THSD7A: variants seen among roughly 807,000 people sequenced by gnomAD.
THSD7A encodes thrombospondin type-1 domain-containing protein 7A.
A neutral mutation model predicts 231.3 loss-of-function variants in THSD7A; 96 were observed. The ratio of observed to expected loss-of-function variants is 0.41; its 90% CI spans 0.35 to 0.49. The LOEUF is 0.49. THSD7A is among the 20% of genes least tolerant of loss of function. THSD7A has a pLI of 0.05. For synonymous variants in THSD7A, 940 were observed against 743.3 expected (o/e 1.26, Z -4.30); for missense variants, 2,290 against 2,070.2 (o/e 1.11, Z -2.06).
intron 11 of THSD7A, among the ~76,000 whole-genome samples, chr7:11,451,990 T>C (rs186738260): frequency 7.9e-5 from 12 of 152,150 alleles, no homozygotes; most frequent in Non-Finnish European, 1.6e-4. Context: ...TAGAAGTTCA[T>C]TACAGGAAAC....
intron 1 of THSD7A, among the ~76,000 whole-genome samples, chr7:11,674,266 C>A (rs1452474085): frequency 5.9e-5 from 9 of 152,086 alleles, no homozygotes; most frequent in Non-Finnish European, 1.3e-4. Context: ...CCCTGCCTCC[C>A]CTACCCAGTG....
chr7:11,781,882 G>T (rs746326831), intron 1 of THSD7A, among the ~76,000 whole-genome samples: 3 of 151,968 alleles, frequency 2.0e-5, no homozygotes, highest in Non-Finnish European at 4.4e-5. Flanking sequence ...GTAGACCAGG[G>T]TTTCCTGACC....
intron 1 of THSD7A, among the ~76,000 whole-genome samples, chr7:11,812,664 T>C (rs1784567080): frequency 6.6e-6 from 1 of 152,224 alleles, no homozygotes; most frequent in East Asian, 1.9e-4. Context: ...CTATTATTTA[T>C]ACCATATAAT....
chr7:11,765,211 G>T (rs982982396), intron 1 of THSD7A, among the ~76,000 whole-genome samples: 1 of 152,138 alleles, frequency 6.6e-6, no homozygotes, highest in African/African-American at 2.4e-5. Context: ...TCACTATAAA[G>T]GAGAAAAATA....
chr7:11,423,298 A>G (rs951248315), intron 16 of THSD7A, among the ~76,000 whole-genome samples: 2 of 151,914 alleles, frequency 1.3e-5, no homozygotes, highest in Non-Finnish European at 2.9e-5. Context: ...TAAAACACCA[A>G]TCTTAAATGC....
At chr7:11,429,641 T>C (rs766527422) in intron 13 of THSD7A, among the ~76,000 whole-genome samples, 1 of 152,184 alleles carries the variant, frequency 6.6e-6, no homozygotes, top group Non-Finnish European at 1.5e-5. Flanking sequence ...TGAAGAAAAA[T>C]GCAGGATGTT....
intron 1 of THSD7A, among the ~76,000 whole-genome samples, chr7:11,762,438 A>G (rs1288825000): frequency 6.6e-6 from 1 of 152,170 alleles, no homozygotes; most frequent in Non-Finnish European, 1.5e-5. Context: ...TCTGACTGGT[A>G]TGAGATGGTA....
At chr7:11,677,812 CAGG>C (rs745388933) in intron 1 of THSD7A, among the ~76,000 whole-genome samples, 20 of 151,922 alleles carry the variant, frequency 1.3e-4, no homozygotes, top group Non-Finnish European at 2.1e-4. Flanking sequence ...CAAGGATATC[CAGG>C]AGTTGAACTC....
At chr7:11,476,070 A>C (rs1317474043) in intron 7 of THSD7A, among the ~76,000 whole-genome samples, 1 of 151,850 alleles carries the variant, frequency 6.6e-6, no homozygotes, top group Non-Finnish European at 1.5e-5. Context: ...TCTACAATAC[A>C]GGTTCAAAAA....
At chr7:11,491,491 G>C (rs1786892223) in intron 6 of THSD7A, among the ~76,000 whole-genome samples, 1 of 151,992 alleles carries the variant, frequency 6.6e-6, no homozygotes, top group African/African-American at 2.4e-5. Flanking sequence ...GCTACATTTG[G>C]TCATCAAATC....
intron 4 of THSD7A, among the ~76,000 whole-genome samples, chr7:11,576,436 A>T (rs1790908289): frequency 6.6e-6 from 1 of 151,900 alleles, no homozygotes; most frequent in African/African-American, 2.4e-5. Flanking sequence ...GAAGACAATC[A>T]TTGCCCTATC....
intron 7 of THSD7A, among the ~76,000 whole-genome samples, chr7:11,481,286 G>C (rs1210451694): frequency 1.3e-5 from 2 of 152,116 alleles, no homozygotes; most frequent in African/African-American, 2.4e-5. Flanking sequence ...CTGGACCTCG[G>C]AGCCTATGTT....
At chr7:11,476,511 T>C (rs1376594220) in intron 7 of THSD7A, among the ~76,000 whole-genome samples, 2 of 152,136 alleles carry the variant, frequency 1.3e-5, no homozygotes, top group East Asian at 1.9e-4. Flanking sequence ...GATTATATAA[T>C]GTTACTCAAG....
chr7:11,819,212 T>C (rs1326909011), intron 1 of THSD7A, among the ~76,000 whole-genome samples: 1 of 152,170 alleles, frequency 6.6e-6, no homozygotes, highest in Non-Finnish European at 1.5e-5. Flanking sequence ...AAATAGGAAC[T>C]CTCATTCACT....
At chr7:11,602,618 C>T (rs1780590228) in intron 2 of THSD7A, among the ~76,000 whole-genome samples, 3 of 151,676 alleles carry the variant, frequency 2.0e-5, no homozygotes, top group Admixed American at 2.0e-4. Context: ...ATGGATTTTT[C>T]CTTGGTCTCA....
chr7:11,798,267 C>G (rs980686661), intron 1 of THSD7A, among the ~76,000 whole-genome samples: 2 of 151,948 alleles, frequency 1.3e-5, no homozygotes, highest in African/African-American at 4.8e-5. Flanking sequence ...GTCAAGAGTT[C>G]AAGACCAGCC....
chr7:11,658,673 A>T (rs4398797), intron 1 of THSD7A, among the ~76,000 whole-genome samples: 151,665 of 151,802 alleles, frequency 1, 75,765 homozygotes, highest in Middle Eastern at 1. Context: ...TGAATATTTA[A>T]CTGTAGATAA....
At position 11,370,883 on chromosome 7, in the gene THSD7A, A is replaced by T. The variant is rs942422125; in HGVS notation, c.*4911T>A. 10 of 152,196 alleles carry T rather than the reference A, an allele frequency of 6.6e-5. No individual in the cohort carries two copies. The highest frequency in any genetic ancestry group is 2.4e-4 in the African/African-American group (10 of 41,464). 9.4% of individuals were successfully genotyped at this position (152,196 alleles called of 1,614,324 possible). On this transcript the variant is annotated 3_prime_UTR_variant, in exon 28 of 28. Coordinates refer to ENST00000423059, the MANE Select transcript of THSD7A (RefSeq NM_015204.3). ...AAAAAGTACCAGAAAAGGAATCTAAATGTTTACTTTCTAAAAATAAACACA... is the reference window on the plus strand; with the variant it reads ...AAAAAGTACCAGAAAAGGAATCTAATTGTTTACTTTCTAAAAATAAACACA...
intron 20 of THSD7A, 98 bp downstream of exon 20, chr7:11,407,208 C>A (rs755241980): frequency 9.1e-6 from 13 of 1,436,310 alleles, no homozygotes; most frequent in African/African-American, 2.8e-5. Context: ...ACCAATCCAA[C>A]CTTTCTGAAG....
Sources: gnomAD v4.1 joint callset for allele counts (sites outside exome capture counted in the v4.1 genomes callset) on GRCh38, gnomAD v4.1.1 for gene constraint, MANE v1.5 for transcripts, NCBI Gene and HGNC (gene_info 2026-07-23, HGNC 2026-07-21) for gene names.